NPTN: variants seen among roughly 807,000 people sequenced by gnomAD.
The protein encoded by NPTN is neuroplastin, also known as SDR-1.
A neutral mutation model predicts 42.7 loss-of-function variants in NPTN; 5 were observed. The observed-to-expected ratio is 0.12, with a 90% CI of 0.06 to 0.25. NPTN has a LOEUF of 0.25. Among genes scored for constraint, NPTN ranks in the 10% least tolerant of loss-of-function variants. The probability of loss-of-function intolerance (pLI) is 1.00; values close to 1 mark genes in which losing one functional copy is unlikely to be tolerated. For missense variants in NPTN, 307 were observed against 525.4 expected (o/e 0.58, Z 4.06); for synonymous variants, 180 against 201.9 (o/e 0.89, Z 0.92).
intron 3 of NPTN, among the ~76,000 whole-genome samples, chr15:73,587,965 G>C (rs754590288): frequency 6.6e-6 from 1 of 152,142 alleles, no homozygotes; most frequent in African/African-American, 2.4e-5. Flanking sequence ...ATCACGGCTG[G>C]GCACAGTGGC....
At position 73,597,353 on chromosome 15, in the gene NPTN, C is replaced by A. The variant is rs773916309; in HGVS notation, c.108G>T (p.Ser36=). 11 of 1,609,634 alleles carry A rather than the reference C, an allele frequency of 6.8e-6. No individual in the cohort carries two copies. The highest frequency in any genetic ancestry group is 9.3e-6 in the Non-Finnish European group (11 of 1,178,072). Residue 36 remains serine (S), a synonymous_variant, in exon 2 of 9, where the codon TCG becomes TCT. Transcript: ENST00000345330. The surrounding 1 kb of genome is among the most constrained non-coding windows in gnomAD (Gnocchi z 6.3). ...CCGTGAGCTTAGTTTCTGACATGGG[C>A]GACTTGACAAACCCAGCTAGAGGGA... ...GAAQNAGFVK[S]PMSETKLTGD... is the part of the protein sequence containing the mutation.
At chr15:73,585,805 T>C (rs1303496356) in intron 4 of NPTN, among the ~76,000 whole-genome samples, 1 of 152,214 alleles carries the variant, frequency 6.6e-6, no homozygotes, top group African/African-American at 2.4e-5. Flanking sequence ...ATTTGTACAG[T>C]GAGAATCCAA....
chr15:73,594,498 G>A (rs1269703486), intron 2 of NPTN, among the ~76,000 whole-genome samples: 2 of 152,180 alleles, frequency 1.3e-5, no homozygotes, highest in African/African-American at 4.8e-5. Context: ...CACCATAGGA[G>A]GGTTGTGGGG....
At position 73,569,497 on chromosome 15, in the gene NPTN, T is replaced by A; in HGVS notation, c.1114+653A>T. ...ATTTGTTCCGCCTTTGCTATCTCTG[T>A]CTTACACTAGATGGGTGGATACATC... is the stretch of plus-strand genomic sequence containing the variant. On this transcript the variant is annotated intron_variant, in intron 6 of 8. Coordinates refer to ENST00000345330, the MANE Select transcript of NPTN (RefSeq NM_012428.4). The surrounding 1 kb of genome is among the most constrained non-coding windows in gnomAD (Gnocchi z 4.1). 3 of 985,396 alleles carry A rather than the reference T, an allele frequency of 3.0e-6. No homozygotes were observed. The highest frequency in any genetic ancestry group is 3.6e-6 in the Non-Finnish European group (3 of 829,920). 61.0% of individuals were successfully genotyped at this position (985,396 alleles called of 1,614,324 possible).
At chr15:73,630,205 A>G (rs1898660607) in intron 1 of NPTN, among the ~76,000 whole-genome samples, 1 of 152,232 alleles carries the variant, frequency 6.6e-6, no homozygotes, top group Non-Finnish European at 1.5e-5. Context: ...TCTCCACTTT[A>G]CAGATGATGA....
chr15:73,618,477 GC>G (rs1283565894), intron 1 of NPTN, among the ~76,000 whole-genome samples: 1 of 152,098 alleles, frequency 6.6e-6, no homozygotes, highest in Non-Finnish European at 1.5e-5. Context: ...ATTTTAAGTG[GC>G]AAATGTTTAT....
chr15:73,620,970 T>A (rs1898111389), intron 1 of NPTN, among the ~76,000 whole-genome samples: 2 of 152,200 alleles, frequency 1.3e-5, no homozygotes, highest in South Asian at 4.1e-4. Flanking sequence ...ATTTTCTCCT[T>A]TATATTACAT....
At position 73,595,981 on chromosome 15, in the gene NPTN, G is replaced by C. The variant is rs140209827; in HGVS notation, c.439+1041C>G. On this transcript the variant is annotated intron_variant, in intron 2 of 8. Transcript: ENST00000345330. ...CTATGAGAAACCAGGTTGGAAGTTAGTTTCCTCTTTTTTCAAGACACAAAG... is the reference window on the plus strand; with the variant it reads ...CTATGAGAAACCAGGTTGGAAGTTACTTTCCTCTTTTTTCAAGACACAAAG... Among the ~76,000 whole-genome samples the C allele has an allele frequency of 1.2e-3, 189 of 152,330 alleles. 1 individual carries two copies. Among genetic ancestry groups the C allele is most frequent in the Middle Eastern group, 0.01 (3 of 294 alleles).
rs1898867170 is a variant in NPTN at position 73,633,254 on chromosome 15, C to T, written c.-39G>A. ...AGACCCAACAGCGAATGGGCCGGGG[C>T]CAGAGCCGGGGCCGGGGAAGGGAGG... is the stretch of plus-strand genomic sequence containing the variant. On this transcript the variant is annotated 5_prime_UTR_variant, in exon 1 of 9. Transcript: ENST00000345330. The T allele has an allele frequency of 7.0e-7, 1 of 1,424,346 alleles. No homozygotes were observed. The highest frequency in any genetic ancestry group is 9.4e-7 in the Non-Finnish European group (1 of 1,067,406). 88.2% of individuals were successfully genotyped at this position (1,424,346 alleles called of 1,614,324 possible). A position where few individuals can be genotyped will look rare whatever the true frequency, so the allele number is the denominator to read the frequency against.
chr15:73,607,148 T>C (rs1305621800), intron 1 of NPTN, among the ~76,000 whole-genome samples: 1 of 152,238 alleles, frequency 6.6e-6, no homozygotes, highest in African/African-American at 2.4e-5. Context: ...AGAATCTCAC[T>C]GCAGTGGTCT....
Position 73,570,255 on chromosome 15 carries a change from G to C in NPTN, c.1009C>G (p.Leu337Val), listed in dbSNP as rs1419871290. The C allele has an allele frequency of 6.2e-7, 1 of 1,614,100 alleles. No homozygotes were observed. Among genetic ancestry groups the C allele is most frequent in the African/African-American group, 1.3e-5 (1 of 74,932 alleles). Residue 337 changes from leucine (L) to valine (V), a missense_variant, in exon 6 of 9, where the codon CTG (leucine) becomes GTG (valine). Physicochemically the swap from Leu to Val is conservative, Grantham distance 32. Transcript: ENST00000345330. The surrounding 1 kb of genome is among the most constrained non-coding windows in gnomAD (Gnocchi z 4.0). ...CCCAAGAAAGGCCAGAGTGGGGCCA[G>C]GTGGCTCCGCACCCTGAGGACAGTG... ...VVTVLRVRSH[L>V]APLWPFLGIL...
In NPTN at chr15:73,633,156, G is replaced by A. The variant is rs535703704; in HGVS notation, c.60C>T (p.Ser20=). ...GAGCGGCGCCTGGCCCTGGGAGGAG[G>A]GAGCCAGAGACCAGCAACAGCGAGA... ...LALSLLLVSG[S]LLPGPGAAQN... The change falls in exon 1 of 9, where the codon TCC becomes TCT. Residue 20 remains serine (S), a synonymous_variant. Coordinates refer to ENST00000345330, the MANE Select transcript of NPTN (RefSeq NM_012428.4). 5.3e-6 allele frequency: 8 copies of A among 1,508,224 alleles called. No individual in the cohort carries two copies. The highest frequency in any genetic ancestry group is 4.4e-5 in the African/African-American group (3 of 68,356). 93.4% of individuals were successfully genotyped at this position (1,508,224 alleles called of 1,614,324 possible).
chr15:73,629,923 C>A (rs901976910), intron 1 of NPTN, among the ~76,000 whole-genome samples: 10 of 152,068 alleles, frequency 6.6e-5, no homozygotes, highest in African/African-American at 2.4e-4. Context: ...TTGGCAATTG[C>A]AGACACAGTG....
At chr15:73,615,942 C>G (rs1285715687) in intron 1 of NPTN, among the ~76,000 whole-genome samples, 1 of 152,100 alleles carries the variant, frequency 6.6e-6, no homozygotes, top group Admixed American at 6.6e-5. Context: ...CTATCATGTA[C>G]ATATACCTGG....
At chr15:73,599,487 A>C (rs966237339) in intron 1 of NPTN, 5 of 152,284 alleles carry the variant, frequency 3.3e-5, no homozygotes, top group African/African-American at 1.2e-4. Flanking sequence ...GGTGGTGCTC[A>C]CCTGTAGTCC....
chr15:73,563,368 T>C, intron 6 of NPTN, 111 bp from the exon 7 acceptor site: 4 of 1,536,644 alleles, frequency 2.6e-6, no homozygotes, highest in Non-Finnish European at 3.5e-6. Context: ...GTGGCAATCA[T>C]GGCTACTCAC....
intron 1 of NPTN, among the ~76,000 whole-genome samples, chr15:73,626,091 CAT>C (rs1234831382): frequency 6.6e-6 from 1 of 152,148 alleles, no homozygotes; most frequent in Non-Finnish European, 1.5e-5. Flanking sequence ...GAAACTAACT[CAT>C]ATATAGAAAA....
chr15:73,567,048 C>T, intron 6 of NPTN: 2 of 896,144 alleles, frequency 2.2e-6, no homozygotes, highest in Non-Finnish European at 2.6e-6. Context: ...AACCTCAATC[C>T]TAAGCATTTT....
chr15:73,596,442 G>A (rs1595934359), intron 2 of NPTN, among the ~76,000 whole-genome samples: 3 of 152,208 alleles, frequency 2.0e-5, no homozygotes, highest in Admixed American at 2.0e-4. Context: ...CCAAGTCACA[G>A]TTAAAGGAAG....
Sources: allele counts gnomAD v4.1 joint callset (sites outside exome capture counted in the v4.1 genomes callset), GRCh38; gene constraint gnomAD v4.1.1; non-coding constraint Gnocchi (gnomAD v3.1); transcripts MANE v1.5; gene names NCBI Gene and HGNC (gene_info 2026-07-23, HGNC 2026-07-21).